ACVR1C: variants seen among roughly 807,000 people sequenced by gnomAD.
ACVR1C encodes activin receptor type-1C.
ACVR1C carries 23 observed loss-of-function variants against 57.9 expected under a neutral mutation model. That is an observed-to-expected ratio of 0.40 (90% CI 0.29 to 0.56). ACVR1C has a LOEUF of 0.56. Ranked by LOEUF, ACVR1C falls within the 20% of genes least tolerant of loss-of-function variation. ACVR1C has a pLI of 0.50. For missense variants in ACVR1C, 480 were observed against 607.9 expected (o/e 0.79, Z 2.21); for synonymous variants, 214 against 215.3 (o/e 0.99, Z 0.05).
intron 1 of ACVR1C, among the ~76,000 whole-genome samples, chr2:157,610,144 A>G (rs1164849785): frequency 6.6e-6 from 1 of 151,994 alleles, no homozygotes; most frequent in East Asian, 1.9e-4. Flanking sequence ...AGTGAGTTTT[A>G]TACTTTCATG....
chr2:157,621,796 C>T (rs568927689), intron 1 of ACVR1C, among the ~76,000 whole-genome samples: 1 of 152,258 alleles, frequency 6.6e-6, no homozygotes, highest in South Asian at 2.1e-4. Flanking sequence ...TTCATTTTGC[C>T]AGGACTGAAT....
At chr2:157,565,725 C>T (rs559337344) in intron 2 of ACVR1C, among the ~76,000 whole-genome samples, 19 of 152,230 alleles carry the variant, frequency 1.2e-4, no homozygotes, top group Admixed American at 1.0e-3. Context: ...TTTGCATAAA[C>T]GATCTTCATC....
At position 157,530,139 on chromosome 2, in the gene ACVR1C, T is replaced by C. The variant is rs1687322519; in HGVS notation, c.*3779A>G. On this transcript the variant is annotated 3_prime_UTR_variant, in exon 9 of 9. Coordinates refer to ENST00000243349, the MANE Select transcript of ACVR1C (RefSeq NM_145259.3). ...CATTTCTAAGTAGCTTGTAATGATG[T>C]GTTTGTGAATTTATTTTAAAGGAAT... 1 of 152,182 alleles carries C rather than the reference T, an allele frequency of 6.6e-6. No homozygotes were observed. Among genetic ancestry groups the C allele is most frequent in the Non-Finnish European group, 1.5e-5 (1 of 68,008 alleles). 9.4% of individuals were successfully genotyped at this position (152,182 alleles called of 1,614,324 possible).
intron 1 of ACVR1C, among the ~76,000 whole-genome samples, chr2:157,610,387 A>G (rs761099951): frequency 6.6e-6 from 1 of 152,104 alleles, no homozygotes; most frequent in Non-Finnish European, 1.5e-5. Context: ...TGTGGCCTAT[A>G]AGGTTTCTGT....
intron 2 of ACVR1C, among the ~76,000 whole-genome samples, chr2:157,584,470 C>T (rs1688869471): frequency 6.6e-6 from 1 of 151,916 alleles, no homozygotes. Flanking sequence ...TAAATGATGA[C>T]CAATATGCAT....
intron 1 of ACVR1C, among the ~76,000 whole-genome samples, chr2:157,619,756 G>C (rs990671970): frequency 2.0e-5 from 3 of 151,746 alleles, no homozygotes; most frequent in Admixed American, 1.3e-4. Flanking sequence ...ATGAAGAGAA[G>C]AAAATAACTG....
At chr2:157,565,873 T>C (rs1041773715) in intron 2 of ACVR1C, among the ~76,000 whole-genome samples, 3 of 152,188 alleles carry the variant, frequency 2.0e-5, no homozygotes, top group African/African-American at 7.2e-5. Context: ...TTTTATCCAT[T>C]AGCATTGGAA....
Position 157,527,305 on chromosome 2 carries a change from C to A in ACVR1C, c.*6613G>T, listed in dbSNP as rs947968110. On this transcript the variant is annotated 3_prime_UTR_variant, in exon 9 of 9. Coordinates refer to ENST00000243349, the MANE Select transcript of ACVR1C (RefSeq NM_145259.3). ...CTTCCTTATATACATTCCTTTGGGC[C>A]TGTCGGCTGAAAGACAATCTTTTTA... The A allele has an allele frequency of 1.3e-5, 2 of 152,092 alleles. No homozygotes were observed. Among genetic ancestry groups the A allele is most frequent in the Non-Finnish European group, 2.9e-5 (2 of 68,010 alleles). 9.4% of individuals were successfully genotyped at this position (152,092 alleles called of 1,614,324 possible). A position where few individuals can be genotyped will look rare whatever the true frequency, so the allele number is the denominator to read the frequency against.
intron 1 of ACVR1C, among the ~76,000 whole-genome samples, chr2:157,616,430 C>T (rs1265254045): frequency 3.3e-5 from 5 of 152,138 alleles, no homozygotes; most frequent in Admixed American, 6.5e-5. Context: ...TACCCTTCTA[C>T]TGAAATGCTA....
chr2:157,602,378 T>G (rs13410600), intron 1 of ACVR1C, among the ~76,000 whole-genome samples: 8,612 of 152,168 alleles, frequency 0.057, 501 homozygotes, highest in African/African-American at 0.15. Flanking sequence ...ATTTGCCAAA[T>G]TGGAAATGAT....
chr2:157,545,705 A>T (rs1687737613), intron 4 of ACVR1C, among the ~76,000 whole-genome samples: 2 of 152,362 alleles, frequency 1.3e-5, no homozygotes, highest in African/African-American at 4.8e-5. Flanking sequence ...GAGGTAGACC[A>T]GTTAAACTCA....
chr2:157,564,634 T>C (rs1688317210), intron 2 of ACVR1C, among the ~76,000 whole-genome samples: 1 of 152,224 alleles, frequency 6.6e-6, no homozygotes, highest in Non-Finnish European at 1.5e-5. Flanking sequence ...TAAACCATTC[T>C]ACTCTAAAGA....
At chr2:157,628,084 C>T (rs1174175896) in intron 1 of ACVR1C, among the ~76,000 whole-genome samples, 1 of 152,144 alleles carries the variant, frequency 6.6e-6, no homozygotes, top group Non-Finnish European at 1.5e-5. Context: ...GGGGTATTCC[C>T]CGCCTCCTAA....
At chr2:157,621,263 A>G (rs1682764401) in intron 1 of ACVR1C, among the ~76,000 whole-genome samples, 1 of 152,300 alleles carries the variant, frequency 6.6e-6, no homozygotes, top group South Asian at 2.1e-4. Context: ...AAAAAAAGTG[A>G]AGAATCAGGA....
At chr2:157,539,609 CT>C (rs1161533619) in intron 7 of ACVR1C, among the ~76,000 whole-genome samples, 13 of 152,182 alleles carry the variant, frequency 8.5e-5, no homozygotes, top group African/African-American at 3.1e-4. Flanking sequence ...TGTTTGAAAT[CT>C]TGCTATCTGC....
At position 157,547,064 on chromosome 2, in the gene ACVR1C, G is replaced by A. The variant is rs572628147; in HGVS notation, c.776-2452C>T. On this transcript the variant is annotated intron_variant, in intron 4 of 8. Transcript: ENST00000243349. ...TTCCCACCTATGAGTGAGAATATGC[G>A]GTGTTTGGTTTTTTGTTCTTGCGAT... Among the ~76,000 whole-genome samples the A allele has an allele frequency of 1.1e-3, 159 of 138,318 alleles. 2 individuals carry two copies. Among genetic ancestry groups the A allele is most frequent in the South Asian group, 0.011 (46 of 4,090 alleles). 90.7% of individuals were successfully genotyped at this position (138,318 alleles called of 152,430 possible).
chr2:157,605,459 A>G (rs1682370887), intron 1 of ACVR1C, among the ~76,000 whole-genome samples: 2 of 151,666 alleles, frequency 1.3e-5, no homozygotes, highest in Admixed American at 1.3e-4. Flanking sequence ...TTTGCAATCT[A>G]TAGACCAATT....
chr2:157,537,838 C>T (rs1016086433), intron 8 of ACVR1C, among the ~76,000 whole-genome samples: 1 of 152,108 alleles, frequency 6.6e-6, no homozygotes, highest in African/African-American at 2.4e-5. Flanking sequence ...TCACATAAGG[C>T]ATAACAAGCA....
chr2:157,581,440 G>T (rs1340434103), intron 2 of ACVR1C, among the ~76,000 whole-genome samples: 1 of 152,064 alleles, frequency 6.6e-6, no homozygotes, highest in Non-Finnish European at 1.5e-5. Context: ...GACTGATTAG[G>T]GGGCTTACAG....
Sources: gnomAD v4.1 joint callset for allele counts (sites outside exome capture counted in the v4.1 genomes callset) on GRCh38, gnomAD v4.1.1 for gene constraint, MANE v1.5 for transcripts, NCBI Gene and HGNC (gene_info 2026-07-23, HGNC 2026-07-21) for gene names.